Variants in GRAMD1B observed in about 807,000 individuals in gnomAD.
GRAMD1B encodes the protein protein Aster-B.
Under a neutral mutation model 99.7 loss-of-function variants are expected in GRAMD1B, and 37 were observed. The observed-to-expected ratio is 0.37, with a 90% confidence interval of 0.29 to 0.49. The LOEUF is 0.49. GRAMD1B is among the 20% of genes least tolerant of loss of function. GRAMD1B has a pLI of 0.98. For missense variants in GRAMD1B, 888 were observed against 1,009.2 expected (o/e 0.88, Z 1.63); for synonymous variants, 427 against 387.6 (o/e 1.10, Z -1.19).
intron 7 of GRAMD1B, among the ~76,000 whole-genome samples, chr11:123,596,277 C>T (rs1033851604): frequency 2.6e-5 from 4 of 152,132 alleles, no homozygotes; most frequent in South Asian, 2.1e-4. Context: ...TTGAGTCCAT[C>T]GACAGTAAGC....
intron 1 of GRAMD1B, among the ~76,000 whole-genome samples, chr11:123,471,665 A>G (rs539650641): frequency 4.6e-5 from 7 of 152,346 alleles, no homozygotes; most frequent in Admixed American, 1.3e-4. Flanking sequence ...GTCCCTGCTG[A>G]TAAAACCAAG....
rs1948839652 is a variant in GRAMD1B, at chr11:123,577,462, C to A, written c.548C>A (p.Thr183Asn). ...ACCCCGCAGAACCAGGACGGAGACA[C>A]CATGGTGGAGAAGGGCTCAGATCAC... ...SPTPQNQDGD[T>N]MVEKGSDHSS... Residue 183 changes from threonine (T) to asparagine (N), a missense_variant, in exon 3 of 20, where the codon ACC becomes AAC. Transcript: ENST00000635736. 1.2e-6 allele frequency: 2 copies of A among 1,604,618 alleles called. No homozygotes were observed. Among genetic ancestry groups the A allele is most frequent in the African/African-American group, 1.3e-5 (1 of 74,732 alleles).
At chr11:123,584,933 G>A (rs1245996595) in intron 4 of GRAMD1B, among the ~76,000 whole-genome samples, 1 of 152,194 alleles carries the variant, frequency 6.6e-6, no homozygotes, top group African/African-American at 2.4e-5. Flanking sequence ...CTGTTGTGGG[G>A]TAAGCAGGCC....
Position 123,390,803 on chromosome 11 carries a change from T to G in GRAMD1B, c.-176+32004T>G, listed in dbSNP as rs140057082. 6.3e-3 allele frequency among the ~76,000 whole-genome samples: 956 copies of G among 152,362 alleles called. 11 individuals carry two copies. The highest frequency in any genetic ancestry group is 0.022 in the African/African-American group (920 of 41,580). On this transcript the variant is annotated intron_variant, in intron 1 of 20. Transcript: ENST00000638157. Reference sequence around the variant, plus strand: ...TTTGACCCCATCTAGGCCAAACTCATGTTTGCTTTCCATGACCTCATCTAG... The same window carrying G: ...TTTGACCCCATCTAGGCCAAACTCAGGTTTGCTTTCCATGACCTCATCTAG...
At chr11:123,616,660 C>T (rs925370568) in intron 17 of GRAMD1B, among the ~76,000 whole-genome samples, 4 of 152,266 alleles carry the variant, frequency 2.6e-5, no homozygotes, top group African/African-American at 7.2e-5. Flanking sequence ...CGGGCTGACA[C>T]AGCACAGCTT....
chr11:123,508,807 TC>T (rs1319432744), intron 2 of GRAMD1B, among the ~76,000 whole-genome samples: 2 of 152,098 alleles, frequency 1.3e-5, no homozygotes, highest in Non-Finnish European at 2.9e-5. Flanking sequence ...TGCCTCAGCC[TC>T]CCAAGTAGCT....
At chr11:123,390,643 C>A (rs905242311) in intron 1 of GRAMD1B, among the ~76,000 whole-genome samples, 1 of 152,160 alleles carries the variant, frequency 6.6e-6, no homozygotes, top group Non-Finnish European at 1.5e-5. Context: ...CAAATACAAC[C>A]TTTCCAGGTA....
chr11:123,433,654 C>T (rs1463371761), intron 1 of GRAMD1B, among the ~76,000 whole-genome samples: 1 of 151,180 alleles, frequency 6.6e-6, no homozygotes, highest in Non-Finnish European at 1.5e-5. Context: ...GAGACCCCCA[C>T]CCCCAACGCT....
At chr11:123,563,075 T>G (rs1565377792) in intron 2 of GRAMD1B, among the ~76,000 whole-genome samples, 1 of 152,190 alleles carries the variant, frequency 6.6e-6, no homozygotes, top group Non-Finnish European at 1.5e-5. Flanking sequence ...AGTCGCTGGC[T>G]GAGGGAGCCA....
rs929783095 is a variant in GRAMD1B at position 123,491,865 on chromosome 11, C to T, written c.452+10972C>T. ...TGAGCCCAGCATGGTGCAGAATCTA[C>T]AGCCAGAGACCGTCTCTTGCAGCAC... On this transcript the variant is annotated intron_variant, in intron 2 of 19. Transcript: ENST00000635736. The T allele has an allele frequency of 5.5e-5, 22 of 399,202 alleles. No individual in the cohort carries two copies. The South Asian group carries it at 1.8e-3, about 32-fold the overall frequency. The allele number at this position is 399,202 out of a possible 1,614,324, so 24.7% of individuals were successfully genotyped here. A position where few individuals can be genotyped will look rare whatever the true frequency, so the allele number is the denominator to read the frequency against.
intron 2 of GRAMD1B, chr11:123,491,636 A>T (rs1023171036): frequency 3.0e-5 from 11 of 365,752 alleles, no homozygotes; most frequent in Non-Finnish European, 4.9e-5. Flanking sequence ...GGCAGAGGGG[A>T]TCTCGGTAAC....
chr11:123,421,900 A>G (rs1948450406), intron 1 of GRAMD1B, among the ~76,000 whole-genome samples: 2 of 152,228 alleles, frequency 1.3e-5, no homozygotes, highest in African/African-American at 4.8e-5. Context: ...TCTTTTCTGT[A>G]AAACAAATGA....
rs955491363 is a variant in GRAMD1B, at chr11:123,566,627, G to A, written c.453-10740G>A. Among the ~76,000 whole-genome samples, 3 of 152,304 alleles carry A rather than the reference G, an allele frequency of 2.0e-5. No individual in the cohort carries two copies. The South Asian group carries it at 6.2e-4, about 32-fold the overall frequency. On this transcript the variant is annotated intron_variant, in intron 2 of 19. Coordinates refer to ENST00000635736, the MANE Select transcript of GRAMD1B (RefSeq NM_001387025.1). ...TAAAAATACAAAAAATTAGCCACGC[G>A]TGGTGGCGGGCGCCTGTAGTCCCAG... is the stretch of plus-strand genomic sequence containing the variant.
At chr11:123,390,661 T>C (rs1947245713) in intron 1 of GRAMD1B, among the ~76,000 whole-genome samples, 1 of 152,234 alleles carries the variant, frequency 6.6e-6, no homozygotes, top group Admixed American at 6.5e-5. Flanking sequence ...GTAATTTTTC[T>C]AGTTTTTGAA....
At chr11:123,488,284 C>G (rs546082761) in intron 2 of GRAMD1B, among the ~76,000 whole-genome samples, 1 of 152,140 alleles carries the variant, frequency 6.6e-6, no homozygotes, top group African/African-American at 2.4e-5. Flanking sequence ...TCTATAGCAC[C>G]AGGTAGCTCC....
Position 123,577,435 on chromosome 11 carries a change from C to G in GRAMD1B, c.521C>G (p.Pro174Arg). The change falls in exon 3 of 20, where the codon CCA (proline) becomes CGA (arginine). Residue 174 changes from proline to arginine, a missense_variant. Physicochemically the swap from Pro to Arg is moderately radical, Grantham distance 103 (BLOSUM62 -2). Around this residue, in one of 5 missense-constraint regions of GRAMD1B, gnomAD observed 233 missense variants for 154.6 expected, o/e 1.51. Transcript: ENST00000635736. ...ATCCTCCGGAAGCGGTCTCGCTCGC[C>G]AACCCCGCAGAACCAGGACGGAGAC... The part of the protein sequence containing the change: ...SPILRKRSRS[P>R]TPQNQDGDTM... The G allele has an allele frequency of 6.2e-7, 1 of 1,602,524 alleles. No homozygotes were observed. The highest frequency in any genetic ancestry group is 8.5e-7 in the Non-Finnish European group (1 of 1,174,978).
chr11:123,588,744 G>A (rs1950317996), intron 4 of GRAMD1B, among the ~76,000 whole-genome samples: 1 of 152,186 alleles, frequency 6.6e-6, no homozygotes, highest in South Asian at 2.1e-4. Context: ...ATCTTCGTGT[G>A]TACATGTAAG....
Position 123,619,019 on chromosome 11 carries a change from ACT to A in GRAMD1B, c.2427-83_2427-82del, listed in dbSNP as rs1398992277. On this transcript the variant is annotated intron_variant, in intron 18 of 19. Transcript: ENST00000635736. ...GCAGAGGACAAAGCACTCTGATGTG[ACT>A]CTCTGTCCTTTAGGGGTCTGGGAGC... The A allele has an allele frequency of 6.6e-6, 5 of 753,180 alleles. No homozygotes were observed. In the East Asian group the frequency reaches 8.0e-5, roughly 12 times the overall value. The allele number at this position is 753,180 out of a possible 1,614,324, so 46.7% of individuals were successfully genotyped here. A position where few individuals can be genotyped will look rare whatever the true frequency, so the allele number is the denominator to read the frequency against.
intron 1 of GRAMD1B, among the ~76,000 whole-genome samples, chr11:123,465,541 C>T (rs1039467776): frequency 1.3e-4 from 19 of 151,638 alleles, no homozygotes; most frequent in Non-Finnish European, 2.1e-4. Flanking sequence ...CAGAGGCAGG[C>T]GGATCACCTG....
Sources: allele counts gnomAD v4.1 joint callset (sites outside exome capture counted in the v4.1 genomes callset), GRCh38; gene constraint gnomAD v4.1.1; regional missense constraint gnomAD v4.1.1; transcripts MANE v1.5; gene names NCBI Gene and HGNC (gene_info 2026-07-23, HGNC 2026-07-21).